The following CACNA1A variants were observed in gnomAD, a reference collection of about 807,000 sequenced individuals.
The protein encoded by CACNA1A is calcium voltage-gated channel subunit alpha1 A, also known as voltage-dependent P/Q-type calcium channel subunit alpha-1A.
In CACNA1A, 57 loss-of-function variants were observed where a neutral mutation model predicts 262.4. That is an observed-to-expected ratio of 0.22 (90% CI 0.18 to 0.27). CACNA1A has a LOEUF of 0.27. Ranked by LOEUF, CACNA1A falls within the 10% of genes least tolerant of loss-of-function variation. The pLI, the probability that CACNA1A is intolerant of heterozygous loss-of-function variation, is 1.00. For synonymous variants in CACNA1A, 1,431 were observed against 1,419.3 expected (o/e 1.01, Z -0.18); for missense variants, 2,526 against 3,562.8 (o/e 0.71, Z 7.41).
At chr19:13,350,622 T>C (rs2058889288) in intron 6 of CACNA1A, among the ~76,000 whole-genome samples, 1 of 152,014 alleles carries the variant, frequency 6.6e-6, no homozygotes, top group Non-Finnish European at 1.5e-5. Flanking sequence ...TCCCATGAAA[T>C]CCCAAGACTT....
At chr19:13,432,791 T>A (rs886537798) in intron 3 of CACNA1A, among the ~76,000 whole-genome samples, 1 of 152,094 alleles carries the variant, frequency 6.6e-6, no homozygotes, top group African/African-American at 2.4e-5. Flanking sequence ...CTTGATTTAA[T>A]CATTCAAAAA....
intron 1 of CACNA1A, among the ~76,000 whole-genome samples, chr19:13,503,644 G>A (rs1047807109): frequency 2.3e-5 from 1 of 43,276 alleles, no homozygotes; most frequent in South Asian, 1.1e-3. Context: ...CACCCACCCC[G>A]CCACCGCCCT....
intron 6 of CACNA1A, among the ~76,000 whole-genome samples, chr19:13,337,782 T>G (rs1282297417): frequency 1.3e-5 from 2 of 152,022 alleles, no homozygotes; most frequent in African/African-American, 2.4e-5. Flanking sequence ...CATCATGGAG[T>G]GTACTTACAC....
At position 13,376,037 on chromosome 19, in the gene CACNA1A, G is replaced by A. The variant is rs573008315; in HGVS notation, c.540-4258C>T. ...CAAGCCCACAGCAAGACTGAGAGAG[G>A]TGGGGAAGTGCAGAAGAAAAATCTG... On this transcript the variant is annotated intron_variant, in intron 3 of 46. Coordinates refer to ENST00000360228, the MANE Select transcript of CACNA1A (RefSeq NM_001127222.2). Among the ~76,000 whole-genome samples, 11 of 152,308 alleles carry A rather than the reference G, an allele frequency of 7.2e-5. 1 individual carries two copies. Among genetic ancestry groups the A allele is most frequent in the African/African-American group, 2.4e-4 (10 of 41,578 alleles).
At chr19:13,427,278 C>T (rs541526804) in intron 3 of CACNA1A, among the ~76,000 whole-genome samples, 1 of 151,890 alleles carries the variant, frequency 6.6e-6, no homozygotes, top group South Asian at 2.1e-4. Context: ...ATGGAGAAAC[C>T]CCGTCTCTAC....
rs752808137 is a variant in CACNA1A at position 13,208,830 on chromosome 19, C to A, written c.6706G>T (p.Gly2236Cys). The change falls in exon 46 of 47, where the codon GGC becomes TGC. Residue 2236 changes from glycine to cysteine, a missense_variant. Around this residue, in one of 17 missense-constraint regions of CACNA1A, gnomAD observed 929 missense variants for 868.1 expected, o/e 1.07. Transcript: ENST00000360228. ...CGCTGGTCCCGAGCCCGTGCCCGGC[C>A]GTGGTCCGGCCGTTCCTGGGCATAG... ...DRYAQERPDH[G>C]RARARDQRWS... is the part of the protein sequence containing the mutation. The A allele has an allele frequency of 6.7e-7, 1 of 1,488,660 alleles. No individual in the cohort carries two copies. Among genetic ancestry groups the A allele is most frequent in the African/African-American group, 1.4e-5 (1 of 71,120 alleles). The allele number at this position is 1,488,660 out of a possible 1,614,324, so 92.2% of individuals were successfully genotyped here.
intron 6 of CACNA1A, among the ~76,000 whole-genome samples, chr19:13,350,509 C>T (rs2058887192): frequency 1.3e-5 from 2 of 152,140 alleles, no homozygotes; most frequent in Admixed American, 1.3e-4. Context: ...CATTTTCTTC[C>T]ATGATGATTG....
chr19:13,237,078 C>T (rs984366205), intron 31 of CACNA1A, among the ~76,000 whole-genome samples: 2 of 152,172 alleles, frequency 1.3e-5, no homozygotes, highest in South Asian at 2.1e-4. Context: ...AGGCCTGCTG[C>T]GATTGCTCCC....
intron 19 of CACNA1A, among the ~76,000 whole-genome samples, chr19:13,296,714 T>C (rs942271731): frequency 8.6e-5 from 13 of 151,168 alleles, no homozygotes; most frequent in African/African-American, 1.5e-4. Context: ...GAAACTCTGC[T>C]CTCCCTTCAA....
At chr19:13,474,176 A>G (rs530597126) in intron 1 of CACNA1A, among the ~76,000 whole-genome samples, 18 of 152,322 alleles carry the variant, frequency 1.2e-4, no homozygotes, top group African/African-American at 3.8e-4. Flanking sequence ...CGCAGACAGA[A>G]CATCAAGGAG....
intron 27 of CACNA1A, chr19:13,259,342 TG>T (rs1175713950): frequency 0.01 from 1,126 of 111,780 alleles, 301 homozygotes; most frequent in African/African-American, 0.03. Context: ...TTTTTTTTTT[TG>T]GGATTTTTAG....
intron 3 of CACNA1A, among the ~76,000 whole-genome samples, chr19:13,443,499 AC>A: frequency 6.6e-6 from 1 of 152,158 alleles, no homozygotes; most frequent in South Asian, 2.1e-4. Flanking sequence ...GTACCAACAT[AC>A]CTGGCCAACT....
chr19:13,377,431 C>T (rs1364692463), intron 3 of CACNA1A, among the ~76,000 whole-genome samples: 1 of 150,180 alleles, frequency 6.7e-6, no homozygotes, highest in Non-Finnish European at 1.5e-5. Context: ...GTGATCTTGG[C>T]TCACTGCAAC....
intron 6 of CACNA1A, among the ~76,000 whole-genome samples, chr19:13,348,975 T>C (rs1251756130): frequency 2.9e-5 from 4 of 136,198 alleles, no homozygotes; most frequent in Non-Finnish European, 6.1e-5. Context: ...GCCACTGCAC[T>C]CTAGCCTGGG....
chr19:13,326,947 G>T (rs1411784986), intron 10 of CACNA1A, among the ~76,000 whole-genome samples: 1 of 151,422 alleles, frequency 6.6e-6, no homozygotes, highest in East Asian at 2.0e-4. Flanking sequence ...AGGCTGGAGT[G>T]CAGGGGCATG....
chr19:13,216,261 A>G (rs2055007771), intron 38 of CACNA1A, among the ~76,000 whole-genome samples: 1 of 152,186 alleles, frequency 6.6e-6, no homozygotes, highest in African/African-American at 2.4e-5. Context: ...TGGCAGGGCC[A>G]TGTGATGAGT....
At position 13,506,396 on chromosome 19, in the gene CACNA1A, G is replaced by A; in HGVS notation, c.-172C>T. On this transcript the variant is annotated 5_prime_UTR_variant, in exon 1 of 47. Transcript: ENST00000360228. Reference sequence around the variant, plus strand: ...GCCCATCGGGCGGCGGCGGCTCGGCGCCTCGGGTCGGGGGCTCAGAAGGCG... The same window carrying A: ...GCCCATCGGGCGGCGGCGGCTCGGCACCTCGGGTCGGGGGCTCAGAAGGCG... 2.1e-6 allele frequency: 1 copy of A among 469,988 alleles called. No individual in the cohort carries two copies. Among genetic ancestry groups the A allele is most frequent in the Non-Finnish European group, 3.4e-6 (1 of 292,436 alleles). 29.1% of individuals were successfully genotyped at this position (469,988 alleles called of 1,614,324 possible). A position where few individuals can be genotyped will look rare whatever the true frequency, so the allele number is the denominator to read the frequency against.
At chr19:13,487,780 A>G (rs1432499992) in intron 1 of CACNA1A, among the ~76,000 whole-genome samples, 1 of 151,842 alleles carries the variant, frequency 6.6e-6, no homozygotes, top group Non-Finnish European at 1.5e-5. Context: ...CTTACTATCA[A>G]TCCAAGGCAC....
At chr19:13,368,086 G>A (rs910389555) in intron 4 of CACNA1A, among the ~76,000 whole-genome samples, 23 of 152,198 alleles carry the variant, frequency 1.5e-4, no homozygotes, top group Middle Eastern at 3.4e-3. Flanking sequence ...AGGCTGAGGC[G>A]GGTGGATCAC....
Sources: gnomAD v4.1 joint callset for allele counts (sites outside exome capture counted in the v4.1 genomes callset) on GRCh38, gnomAD v4.1.1 for gene constraint, gnomAD v4.1.1 regional missense constraint, MANE v1.5 for transcripts, NCBI Gene and HGNC (gene_info 2026-07-23, HGNC 2026-07-21) for gene names.